Variants in ARHGAP26 observed in about 807,000 individuals in gnomAD.
The protein encoded by ARHGAP26 is rho GTPase-activating protein 26.
In ARHGAP26, 38 loss-of-function variants were observed where a neutral mutation model predicts 104.8. The observed-to-expected ratio is 0.36, with a 90% CI of 0.28 to 0.48. The LOEUF is 0.48. ARHGAP26 is among the 20% of genes least tolerant of loss of function. The probability of loss-of-function intolerance (pLI) is 0.99; values close to 1 mark genes in which losing one functional copy is unlikely to be tolerated. For missense variants in ARHGAP26, 704 were observed against 947.9 expected (o/e 0.74, Z 3.38); for synonymous variants, 341 against 340.0 (o/e 1.00, Z -0.03).
intron 1 of ARHGAP26, among the ~76,000 whole-genome samples, chr5:142,864,233 G>A (rs541331150): frequency 4.6e-5 from 7 of 152,158 alleles, no homozygotes; most frequent in East Asian, 1.9e-4. Context: ...CTTAAATGTC[G>A]TCTTAACACA....
chr5:142,780,413 A>G (rs76346875), intron 1 of ARHGAP26, among the ~76,000 whole-genome samples: 3,625 of 152,358 alleles, frequency 0.024, 125 homozygotes, highest in African/African-American at 0.069. Flanking sequence ...TAAGTATTTC[A>G]TAACAGTGTT....
chr5:143,019,932 G>A (rs1356785141), intron 12 of ARHGAP26, among the ~76,000 whole-genome samples: 1 of 152,166 alleles, frequency 6.6e-6, no homozygotes, highest in East Asian at 1.9e-4. Flanking sequence ...TAGGTTAATC[G>A]GGTTATGTTG....
intron 10 of ARHGAP26, among the ~76,000 whole-genome samples, chr5:142,927,803 C>G (rs1036324951): frequency 1.3e-5 from 2 of 152,204 alleles, no homozygotes; most frequent in Non-Finnish European, 2.9e-5. Context: ...GTCCCAGTTA[C>G]TCTACATTTT....
intron 1 of ARHGAP26, among the ~76,000 whole-genome samples, chr5:142,824,648 A>G (rs1279251498): frequency 6.6e-6 from 1 of 152,242 alleles, no homozygotes; most frequent in Non-Finnish European, 1.5e-5. Flanking sequence ...TGAGACTGCC[A>G]GCTGCTACTG....
chr5:142,989,594 G>A (rs1775288682), intron 11 of ARHGAP26, among the ~76,000 whole-genome samples: 1 of 152,180 alleles, frequency 6.6e-6, no homozygotes, highest in African/African-American at 2.4e-5. Flanking sequence ...AATTTGGCAT[G>A]TTTTTGCAGT....
intron 17 of ARHGAP26, among the ~76,000 whole-genome samples, chr5:143,069,187 A>AT (rs1038237183): frequency 3.3e-5 from 5 of 151,858 alleles, no homozygotes; most frequent in Admixed American, 2.6e-4. Flanking sequence ...GAATTGCTTA[A>AT]TTTTTTCCCA....
intron 1 of ARHGAP26, among the ~76,000 whole-genome samples, chr5:142,773,932 C>G (rs1177090779): frequency 6.6e-6 from 1 of 152,186 alleles, no homozygotes; most frequent in Non-Finnish European, 1.5e-5. Context: ...TGCTTTAAAG[C>G]CTGTCACCCT....
chr5:142,971,302 C>T (rs1036299139), intron 11 of ARHGAP26, among the ~76,000 whole-genome samples: 3 of 152,154 alleles, frequency 2.0e-5, no homozygotes, highest in African/African-American at 7.2e-5. Flanking sequence ...GTAAATAAAA[C>T]TAGCATGCTT....
At chr5:143,029,501 C>T (rs1158185592) in intron 12 of ARHGAP26, among the ~76,000 whole-genome samples, 1 of 144,364 alleles carries the variant, frequency 6.9e-6, no homozygotes, top group Non-Finnish European at 1.5e-5. Flanking sequence ...ACCTCGTGGG[C>T]TCAAGCCATC....
chr5:142,813,509 T>A (rs1277639748), intron 1 of ARHGAP26, among the ~76,000 whole-genome samples: 1 of 152,196 alleles, frequency 6.6e-6, no homozygotes, highest in African/African-American at 2.4e-5. Flanking sequence ...AGGGCTACCA[T>A]AACAAGGTCC....
intron 1 of ARHGAP26, among the ~76,000 whole-genome samples, chr5:142,865,814 A>G (rs1037415817): frequency 6.6e-6 from 1 of 152,142 alleles, no homozygotes; most frequent in Non-Finnish European, 1.5e-5. Context: ...AGGTCCTTCC[A>G]TGGTTTGATT....
At chr5:142,938,818 T>C (rs965495813) in intron 11 of ARHGAP26, among the ~76,000 whole-genome samples, 11 of 152,212 alleles carry the variant, frequency 7.2e-5, no homozygotes, top group Admixed American at 7.2e-4. Context: ...TTATTTTAGA[T>C]GTATTAGTCC....
intron 1 of ARHGAP26, among the ~76,000 whole-genome samples, chr5:142,862,975 A>G (rs1165723248): frequency 3.9e-5 from 6 of 152,158 alleles, no homozygotes; most frequent in Non-Finnish European, 4.4e-5. Flanking sequence ...TGAGAATGAC[A>G]TAGAGGTGTG....
chr5:143,037,129 G>C (rs1782776782), intron 12 of ARHGAP26, 67 bp from the exon 13 acceptor site: 1 of 1,361,180 alleles, frequency 7.3e-7, no homozygotes, highest in Non-Finnish European at 1.0e-6. Context: ...TCCTGGTTTG[G>C]TTAAGCCCTA....
chr5:142,974,288 G>A (rs1476082566), intron 11 of ARHGAP26, among the ~76,000 whole-genome samples: 1 of 150,812 alleles, frequency 6.6e-6, no homozygotes, highest in Admixed American at 6.6e-5. Context: ...ACCTGGTTAC[G>A]ATGGCTGAAA....
intron 19 of ARHGAP26, among the ~76,000 whole-genome samples, chr5:143,135,562 A>G (rs770942714): frequency 6.6e-6 from 1 of 152,174 alleles, no homozygotes; most frequent in Non-Finnish European, 1.5e-5. Context: ...CTTCCTTACC[A>G]TAACTTCTAA....
intron 17 of ARHGAP26, among the ~76,000 whole-genome samples, chr5:143,106,718 C>T (rs886074496): frequency 2.0e-5 from 3 of 152,106 alleles, no homozygotes; most frequent in Non-Finnish European, 4.4e-5. Flanking sequence ...GGTGATCCAC[C>T]CACCTCGGCC....
intron 11 of ARHGAP26, among the ~76,000 whole-genome samples, chr5:142,981,955 G>A (rs764695051): frequency 1.3e-5 from 2 of 152,158 alleles, no homozygotes; most frequent in African/African-American, 4.8e-5. Context: ...AAGAGGCCTC[G>A]TGCAGGCTTT....
At chr5:143,186,110 A>G (rs1020211059) in intron 20 of ARHGAP26, among the ~76,000 whole-genome samples, 3 of 152,336 alleles carry the variant, frequency 2.0e-5, no homozygotes, top group African/African-American at 7.2e-5. Flanking sequence ...GAAGCCTAAC[A>G]TTCAAGGATC....
Sources: gnomAD v4.1 joint callset for allele counts (sites outside exome capture counted in the v4.1 genomes callset) on GRCh38, gnomAD v4.1.1 for gene constraint, MANE v1.5 for transcripts, NCBI Gene and HGNC (gene_info 2026-07-23, HGNC 2026-07-21) for gene names.